The following RERE variants were observed in gnomAD, a reference collection of about 807,000 sequenced individuals.
The protein encoded by RERE is arginine-glutamic acid dipeptide repeats protein.
A neutral mutation model predicts 146.1 loss-of-function variants in RERE; 40 were observed. The observed-to-expected ratio is 0.27, with a 90% CI of 0.21 to 0.36. RERE has a LOEUF of 0.36. Ranked by LOEUF, RERE falls within the 10% of genes least tolerant of loss-of-function variation. The pLI, the probability that RERE is intolerant of heterozygous loss-of-function variation, is 1.00. For missense variants in RERE, 1,933 were observed against 2,138.7 expected (o/e 0.90, Z 1.90); for synonymous variants, 1,003 against 866.0 (o/e 1.16, Z -2.78).
chr1:8,501,163 G>A (rs1255990063), intron 8 of RERE, among the ~76,000 whole-genome samples: 218 of 148,640 alleles, frequency 1.5e-3, no homozygotes, highest in Non-Finnish European at 2.3e-3. Flanking sequence ...CGGGAGGGGG[G>A]GTCAGCCCCC....
chr1:8,544,209 C>T (rs531974364), intron 6 of RERE, among the ~76,000 whole-genome samples: 1 of 152,158 alleles, frequency 6.6e-6, no homozygotes, highest in Non-Finnish European at 1.5e-5. Flanking sequence ...TAAATCCCAG[C>T]TGGTCATAAT....
intron 10 of RERE, among the ~76,000 whole-genome samples, chr1:8,483,629 T>C (rs1644862735): frequency 6.6e-6 from 1 of 152,226 alleles, no homozygotes; most frequent in Non-Finnish European, 1.5e-5. Flanking sequence ...AACAACCATT[T>C]AGTATCTCTC....
At chr1:8,682,035 G>C (rs1638983404) in intron 1 of RERE, among the ~76,000 whole-genome samples, 1 of 152,074 alleles carries the variant, frequency 6.6e-6, no homozygotes, top group Non-Finnish European at 1.5e-5. Context: ...ATCAGACTAA[G>C]GGCTTATTTT....
intron 1 of RERE, among the ~76,000 whole-genome samples, chr1:8,766,571 A>G (rs897082178): frequency 6.6e-6 from 1 of 151,612 alleles, no homozygotes; most frequent in African/African-American, 2.4e-5. Flanking sequence ...AAAGAAAAGA[A>G]AAAAAAGAGA....
At chr1:8,684,550 T>A (rs1255930753) in intron 1 of RERE, among the ~76,000 whole-genome samples, 5 of 152,164 alleles carry the variant, frequency 3.3e-5, no homozygotes, top group Non-Finnish European at 7.3e-5. Flanking sequence ...CCAACATATT[T>A]CAACTAGAGA....
At chr1:8,357,149 A>T (rs1381620066) in intron 20 of RERE, among the ~76,000 whole-genome samples, 1 of 152,152 alleles carries the variant, frequency 6.6e-6, no homozygotes, top group Admixed American at 6.5e-5. Context: ...TATCTCCCCA[A>T]ACTGGAAGGT....
intron 4 of RERE, among the ~76,000 whole-genome samples, chr1:8,587,120 T>C (rs751795111): frequency 2.0e-5 from 3 of 152,176 alleles, no homozygotes; most frequent in Non-Finnish European, 1.5e-5. Context: ...TCCCTCCTCT[T>C]TCACACATCA....
chr1:8,545,105 A>G (rs1332748321), intron 6 of RERE, among the ~76,000 whole-genome samples: 1 of 152,204 alleles, frequency 6.6e-6, no homozygotes, highest in Non-Finnish European at 1.5e-5. Context: ...TACAGAATAG[A>G]TGAGGAGGGA....
At chr1:8,395,185 C>T (rs1474054343) in intron 12 of RERE, among the ~76,000 whole-genome samples, 1 of 151,994 alleles carries the variant, frequency 6.6e-6, no homozygotes, top group African/African-American at 2.4e-5. Flanking sequence ...AAAGAATGAG[C>T]AATTTCCGGG....
At chr1:8,375,365 A>G (rs1177670510) in intron 12 of RERE, among the ~76,000 whole-genome samples, 1 of 152,230 alleles carries the variant, frequency 6.6e-6, no homozygotes, top group Non-Finnish European at 1.5e-5. Flanking sequence ...AAACAGAAAA[A>G]GTTCTTTGAT....
chr1:8,443,727 C>T (rs565558423), intron 11 of RERE, among the ~76,000 whole-genome samples: 38 of 152,274 alleles, frequency 2.5e-4, no homozygotes, highest in African/African-American at 8.9e-4. Context: ...GACACTGCTT[C>T]CCACATGCCC....
rs114413179 is a variant in RERE, at chr1:8,680,452, A to T, written c.-144-24011T>A. Among the ~76,000 whole-genome samples, 1,190 of 152,320 alleles carry T rather than the reference A, an allele frequency of 7.8e-3. 14 individuals are homozygous for T. The highest frequency in any genetic ancestry group is 0.027 in the African/African-American group (1,137 of 41,564). Reference sequence around the variant, plus strand: ...TGTATAAAGCAAATTCTCGCCCGGAATTCTAGCTTGAATGGAGAGGATTCC... The same window carrying T: ...TGTATAAAGCAAATTCTCGCCCGGATTTCTAGCTTGAATGGAGAGGATTCC... On this transcript the variant is annotated intron_variant, in intron 1 of 22. Coordinates refer to ENST00000400908, the MANE Select transcript of RERE (RefSeq NM_001042681.2).
At chr1:8,707,960 GTTC>G (rs148886277) in intron 1 of RERE, among the ~76,000 whole-genome samples, 7,087 of 152,160 alleles carry the variant, frequency 0.047, 538 homozygotes, top group African/African-American at 0.16. Flanking sequence ...TGTTATAATT[GTTC>G]TTATTATTGA....
At chr1:8,788,371 T>G (rs1032814837) in intron 1 of RERE, among the ~76,000 whole-genome samples, 2 of 151,086 alleles carry the variant, frequency 1.3e-5, no homozygotes, top group East Asian at 1.9e-4. Flanking sequence ...AGTTTTTTTT[T>G]TTTTTTTTTT....
intron 1 of RERE, among the ~76,000 whole-genome samples, chr1:8,743,268 C>T (rs574349653): frequency 8.6e-4 from 131 of 151,972 alleles, no homozygotes; most frequent in Admixed American, 1.4e-3. Context: ...TACAGGGGCG[C>T]GTGCCTGTAG....
chr1:8,630,493 T>A (rs1647022552), intron 2 of RERE, among the ~76,000 whole-genome samples: 1 of 152,208 alleles, frequency 6.6e-6, no homozygotes, highest in Non-Finnish European at 1.5e-5. Context: ...AATACTTCTT[T>A]AGGAAATAAC....
intron 12 of RERE, among the ~76,000 whole-genome samples, chr1:8,389,169 G>A (rs1418436152): frequency 3.3e-5 from 5 of 152,184 alleles, no homozygotes; most frequent in African/African-American, 1.2e-4. Context: ...AATAAGCAGA[G>A]CTGTGCTTCT....
chr1:8,480,928 A>G (rs1258023381), intron 10 of RERE, among the ~76,000 whole-genome samples: 1 of 152,218 alleles, frequency 6.6e-6, no homozygotes, highest in Non-Finnish European at 1.5e-5. Flanking sequence ...AAATCATCTG[A>G]TAAAGAAGTT....
intron 1 of RERE, among the ~76,000 whole-genome samples, chr1:8,794,065 CAA>C (rs999908345): frequency 7.8e-6 from 1 of 127,978 alleles, no homozygotes; most frequent in Non-Finnish European, 1.7e-5. Context: ...AAGACTGTCT[CAA>C]AAAAAAAAAA....
Sources: gnomAD v4.1 joint callset for allele counts (sites outside exome capture counted in the v4.1 genomes callset) on GRCh38, gnomAD v4.1.1 for gene constraint, MANE v1.5 for transcripts, NCBI Gene and HGNC (gene_info 2026-07-23, HGNC 2026-07-21) for gene names.